WDR27: variants seen among roughly 807,000 people sequenced by gnomAD.
The protein encoded by WDR27 is WD repeat-containing protein 27.
WDR27 carries 100 observed loss-of-function variants against 114.4 expected under a neutral mutation model. That is an observed-to-expected ratio of 0.87 (90% CI 0.74 to 1.03). The LOEUF is 1.03. Ranked by LOEUF, WDR27 falls within the 50% of genes least tolerant of loss-of-function variation. WDR27 has a pLI of 0.00. For missense variants in WDR27, 1,129 were observed against 1,092.9 expected (o/e 1.03, Z -0.47); for synonymous variants, 449 against 423.1 (o/e 1.06, Z -0.75).
At chr6:169,456,093 CTTTA>C (rs1447297964), downstream of WDR27, among the ~76,000 whole-genome samples, 33 of 152,088 alleles carry the variant, frequency 2.2e-4, no homozygotes, top group African/African-American at 7.5e-4. This position sits in a 1 kb window ranked among gnomAD's most constrained non-coding sequence, Gnocchi z 4.0. Context: ...TCTACATCTG[CTTTA>C]TTTATCTATT....
At chr6:169,529,204 A>T (rs1795289248) in intron 25 of WDR27, among the ~76,000 whole-genome samples, 1 of 148,754 alleles carries the variant, frequency 6.7e-6, no homozygotes, top group South Asian at 2.1e-4. Flanking sequence ...CTAGAATCTC[A>T]TTTCACTATG....
intron 25 of WDR27, among the ~76,000 whole-genome samples, chr6:169,544,529 C>T (rs1797219693): frequency 6.6e-6 from 1 of 151,858 alleles, no homozygotes; most frequent in South Asian, 2.1e-4. Context: ...ACCTCCACCT[C>T]CCAGGTTCAA....
intron 25 of WDR27, among the ~76,000 whole-genome samples, chr6:169,492,036 A>T (rs1789837533): frequency 6.6e-6 from 1 of 152,234 alleles, no homozygotes; most frequent in South Asian, 2.1e-4. Context: ...CAATTAGAAG[A>T]TAATTGCATT....
At chr6:169,597,199 C>A (rs889290623) in intron 23 of WDR27, among the ~76,000 whole-genome samples, 1 of 152,178 alleles carries the variant, frequency 6.6e-6, no homozygotes, top group Admixed American at 6.5e-5. Flanking sequence ...TCCAACAATG[C>A]AGTAAAATTC....
At chr6:169,679,436 T>C (rs373003790) in intron 2 of WDR27, among the ~76,000 whole-genome samples, 1 of 152,224 alleles carries the variant, frequency 6.6e-6, no homozygotes, top group Non-Finnish European at 1.5e-5. Context: ...TAGAATGATA[T>C]AGTCTGCATG....
chr6:169,625,338 A>G (rs1344491842), intron 21 of WDR27, among the ~76,000 whole-genome samples: 2 of 152,168 alleles, frequency 1.3e-5, no homozygotes, highest in Non-Finnish European at 2.9e-5. Flanking sequence ...CGTCATTCCG[A>G]CTGCACTGAT....
chr6:169,489,167 T>G (rs1342923195), intron 25 of WDR27, among the ~76,000 whole-genome samples: 1 of 152,130 alleles, frequency 6.6e-6, no homozygotes, highest in Non-Finnish European at 1.5e-5. Flanking sequence ...CAGAGGCAGA[T>G]GAGAACCCAG....
chr6:169,523,984 G>C (rs1212045197), intron 25 of WDR27, among the ~76,000 whole-genome samples: 1 of 151,934 alleles, frequency 6.6e-6, no homozygotes, highest in African/African-American at 2.4e-5. Flanking sequence ...TAATAGGTAG[G>C]GAAGAAGTCT....
chr6:169,667,800 C>T (rs779979106), intron 5 of WDR27, among the ~76,000 whole-genome samples, 182 bp downstream of exon 5: 28 of 152,362 alleles, frequency 1.8e-4, no homozygotes, highest in Non-Finnish European at 3.5e-4. Flanking sequence ...CCAGCGGCCC[C>T]GGCAAAACAT....
intron 25 of WDR27, among the ~76,000 whole-genome samples, chr6:169,524,548 TA>T (rs1474181444): frequency 6.6e-6 from 1 of 152,126 alleles, no homozygotes; most frequent in African/African-American, 2.4e-5. Flanking sequence ...AAATTTATAG[TA>T]ACCAAATCAG....
chr6:169,450,111 T>C, the WDR27 span, among the ~76,000 whole-genome samples: 1 of 152,212 alleles, frequency 6.6e-6, no homozygotes, highest in African/African-American at 2.4e-5. Flanking sequence ...TTTCCCACTT[T>C]TGAGTCTAGG....
At chr6:169,455,869 A>G (rs1214824604), downstream of WDR27, among the ~76,000 whole-genome samples, 2 of 152,238 alleles carry the variant, frequency 1.3e-5, no homozygotes, top group African/African-American at 4.8e-5. Context: ...GAGGTCTCTA[A>G]TAGATTTGGT....
At chr6:169,667,674 G>T (rs1345427345) in intron 5 of WDR27, among the ~76,000 whole-genome samples, 3 of 152,216 alleles carry the variant, frequency 2.0e-5, no homozygotes, top group Non-Finnish European at 4.4e-5. Flanking sequence ...TGGCTCTTCT[G>T]CTCTGGGCCT....
rs143954949 is a variant in WDR27, at chr6:169,633,057, C to T, written c.2113G>A (p.Ala705Thr). 4.3e-4 allele frequency: 674 copies of T among 1,583,534 alleles called. 2 individuals carry two copies. The African/African-American group carries it at 7.8e-3, about 18-fold the overall frequency. Reference protein sequence around the residue: ...VNDFYSHIVLAAGRNRTVEVF... With the variant: ...VNDFYSHIVLTAGRNRTVEVF... ...TCCACGGTCCTGTTCCGGCCAGCTG[C>T]GAGTACGATGTCTGCGATAATCCAG... Residue 705 changes from alanine to threonine, a missense_variant, in exon 21 of 26, where the codon GCA (alanine) becomes ACA (threonine). Physicochemically the swap from Ala to Thr is moderately conservative, Grantham distance 58 (BLOSUM62 0). Coordinates refer to ENST00000448612, the MANE Select transcript of WDR27 (RefSeq NM_182552.5).
At chr6:169,450,173 T>C in the WDR27 span, among the ~76,000 whole-genome samples, 4 of 152,170 alleles carry the variant, frequency 2.6e-5, no homozygotes, top group African/African-American at 9.7e-5. Flanking sequence ...AACAGCGTCA[T>C]GGGCACCGCT....
At chr6:169,482,665 C>G (rs1039432009) in intron 25 of WDR27, among the ~76,000 whole-genome samples, 1 of 152,162 alleles carries the variant, frequency 6.6e-6, no homozygotes, top group Admixed American at 6.5e-5. Flanking sequence ...GACTTGAACT[C>G]AACACTAGAC....
chr6:169,594,672 A>C (rs1014134098), intron 23 of WDR27, among the ~76,000 whole-genome samples: 2 of 152,228 alleles, frequency 1.3e-5, no homozygotes, highest in African/African-American at 2.4e-5. Context: ...TTGCCTCATA[A>C]TTTTTTGGTT....
At chr6:169,436,966 A>G in the WDR27 span, among the ~76,000 whole-genome samples, 1 of 152,166 alleles carries the variant, frequency 6.6e-6, no homozygotes, top group East Asian at 1.9e-4. Flanking sequence ...CTAAAAATTA[A>G]AGTTACTAAA....
chr6:169,615,482 A>G (rs1329626478), intron 21 of WDR27, among the ~76,000 whole-genome samples: 1 of 152,206 alleles, frequency 6.6e-6, no homozygotes, highest in African/African-American at 2.4e-5. Context: ...ATAAAGCCAC[A>G]TACCTACGAC....
Sources: allele counts gnomAD v4.1 joint callset (sites outside exome capture counted in the v4.1 genomes callset), GRCh38; gene constraint gnomAD v4.1.1; non-coding constraint Gnocchi (gnomAD v3.1); transcripts MANE v1.5; gene names NCBI Gene and HGNC (gene_info 2026-07-23, HGNC 2026-07-21).